Variants in DLC1 observed in about 807,000 individuals in gnomAD.
DLC1 encodes DLC1 Rho GTPase activating protein.
In DLC1, 54 loss-of-function variants were observed where a neutral mutation model predicts 140.3. The observed-to-expected ratio is 0.38, with a 90% CI of 0.31 to 0.48. The LOEUF is 0.48. Among genes scored for constraint, DLC1 ranks in the 20% least tolerant of loss-of-function variants. DLC1 has a pLI of 0.96. For synonymous variants in DLC1, 986 were observed against 728.1 expected (o/e 1.35, Z -5.70); for missense variants, 2,536 against 1,907.0 (o/e 1.33, Z -6.14).
intron 5 of DLC1, among the ~76,000 whole-genome samples, chr8:13,289,145 C>T (rs1354550529): frequency 6.6e-6 from 1 of 152,122 alleles, no homozygotes; most frequent in African/African-American, 2.4e-5. Flanking sequence ...CCACAGTGCT[C>T]TATAATTCCT....
At chr8:13,529,609 A>T (rs1803032320) in intron 1 of DLC1, among the ~76,000 whole-genome samples, 1 of 152,220 alleles carries the variant, frequency 6.6e-6, no homozygotes, top group South Asian at 2.1e-4. Context: ...GAATTTCAAC[A>T]GTTGTATCTA....
chr8:13,413,332 C>A (rs1319555631), intron 2 of DLC1, among the ~76,000 whole-genome samples: 2 of 119,584 alleles, frequency 1.7e-5, no homozygotes, highest in Non-Finnish European at 3.3e-5. Context: ...CAAGATAATT[C>A]TTCTTCTTCC....
intron 4 of DLC1, among the ~76,000 whole-genome samples, chr8:13,382,109 G>A (rs937615804): frequency 2.6e-5 from 4 of 152,062 alleles, no homozygotes; most frequent in African/African-American, 9.7e-5. Flanking sequence ...GTTGTGTGTG[G>A]TAATGTAGAA....
Position 13,088,472 on chromosome 8 carries a change from C to G in DLC1, c.4292+15G>C. ...AGTCATCCTTGTCACAAAAAAACAA[C>G]TGGGAAGCGCTCACCTTAAAACAAC... On this transcript the variant is annotated intron_variant, in intron 16 of 17. Transcript: ENST00000276297. 1.2e-6 allele frequency: 2 copies of G among 1,613,778 alleles called. No individual in the cohort carries two copies. The highest frequency in any genetic ancestry group is 1.7e-6 in the Non-Finnish European group (2 of 1,179,782).
intron 5 of DLC1, among the ~76,000 whole-genome samples, chr8:13,154,278 C>T (rs542367106): frequency 3.8e-4 from 58 of 152,330 alleles, no homozygotes; most frequent in African/African-American, 1.4e-3. Flanking sequence ...GAGACTCGGG[C>T]CTGCGGGAGC....
chr8:13,587,780 C>G (rs898764893), intron 1 of DLC1, among the ~76,000 whole-genome samples: 6 of 151,730 alleles, frequency 4.0e-5, no homozygotes, highest in Non-Finnish European at 7.4e-5. Context: ...AAATAATGTG[C>G]TAGTCAATCT....
intron 5 of DLC1, among the ~76,000 whole-genome samples, chr8:13,206,035 ATG>A (rs1180911703): frequency 6.6e-6 from 1 of 152,178 alleles, no homozygotes; most frequent in Non-Finnish European, 1.5e-5. Flanking sequence ...TAGAGGAAAA[ATG>A]TGCCTTGAGA....
At chr8:13,141,441 G>C (rs1822986836) in intron 5 of DLC1, among the ~76,000 whole-genome samples, 1 of 152,138 alleles carries the variant, frequency 6.6e-6, no homozygotes, top group Non-Finnish European at 1.5e-5. Context: ...GTTTTCAAGA[G>C]CTACGTACAA....
intron 2 of DLC1, among the ~76,000 whole-genome samples, chr8:13,475,886 C>G (rs1184864742): frequency 6.6e-6 from 1 of 152,200 alleles, no homozygotes; most frequent in Non-Finnish European, 1.5e-5. Flanking sequence ...GAGAATGAAC[C>G]TAAACTGCCT....
chr8:13,324,125 G>A (rs1833237993), intron 4 of DLC1, among the ~76,000 whole-genome samples: 1 of 152,068 alleles, frequency 6.6e-6, no homozygotes, highest in Non-Finnish European at 1.5e-5. Context: ...GAGATCTGAA[G>A]GTGTTTTTAA....
intron 1 of DLC1, among the ~76,000 whole-genome samples, chr8:13,576,472 A>G (rs1049458490): frequency 3.9e-5 from 6 of 152,236 alleles, no homozygotes; most frequent in Non-Finnish European, 7.3e-5. Flanking sequence ...ACATCGAAAT[A>G]TATAAAAAAT....
At chr8:13,138,235 C>T (rs1822712580) in intron 5 of DLC1, among the ~76,000 whole-genome samples, 3 of 152,160 alleles carry the variant, frequency 2.0e-5, no homozygotes, top group South Asian at 2.1e-4. Flanking sequence ...CAGGACCCCT[C>T]TGAGAAGACA....
At chr8:13,322,299 T>C (rs1833157070) in intron 4 of DLC1, among the ~76,000 whole-genome samples, 1 of 152,192 alleles carries the variant, frequency 6.6e-6, no homozygotes, top group Non-Finnish European at 1.5e-5. Context: ...AATAAACAAA[T>C]AATATCATCT....
chr8:13,199,399 G>A (rs114378844), intron 5 of DLC1, among the ~76,000 whole-genome samples: 130 of 151,932 alleles, frequency 8.6e-4, no homozygotes, highest in African/African-American at 3.1e-3. Flanking sequence ...TCCCAGGCTG[G>A]TCTAGAACTC....
intron 5 of DLC1, among the ~76,000 whole-genome samples, chr8:13,116,759 T>C (rs1820590542): frequency 6.6e-6 from 1 of 152,206 alleles, no homozygotes; most frequent in Non-Finnish European, 1.5e-5. Flanking sequence ...AAGTGGGAAT[T>C]TGATCAATGA....
At position 13,264,408 on chromosome 8, in the gene DLC1, A is replaced by G. The variant is rs115247785; in HGVS notation, c.1348+40861T>C. On this transcript the variant is annotated intron_variant, in intron 5 of 17. Coordinates refer to ENST00000276297, the MANE Select transcript of DLC1 (RefSeq NM_182643.3). Reference sequence around the variant, plus strand: ...AACTTTATGTTCAAACACGAATAATATCAAAAATATAATTCTGAGCAAAGA... The same window carrying G: ...AACTTTATGTTCAAACACGAATAATGTCAAAAATATAATTCTGAGCAAAGA... Among the ~76,000 whole-genome samples the G allele has an allele frequency of 9.8e-3, 1,485 of 152,284 alleles. 33 individuals are homozygous for G. The highest frequency in any genetic ancestry group is 0.035 in the African/African-American group (1,434 of 41,562).
chr8:13,347,598 A>C (rs1207302630), intron 4 of DLC1, among the ~76,000 whole-genome samples: 1 of 152,132 alleles, frequency 6.6e-6, no homozygotes, highest in Non-Finnish European at 1.5e-5. Context: ...AGTCCTAGGC[A>C]CCAGAAGATG....
chr8:13,531,965 C>T (rs961993200), intron 1 of DLC1, among the ~76,000 whole-genome samples: 1 of 152,166 alleles, frequency 6.6e-6, no homozygotes, highest in African/African-American at 2.4e-5. Flanking sequence ...TAGTTAGGGG[C>T]AAGACTCTCC....
At chr8:13,536,065 G>A (rs1244739657) in intron 1 of DLC1, 2 of 152,224 alleles carry the variant, frequency 1.3e-5, no homozygotes, top group Non-Finnish European at 2.9e-5. Context: ...GCCAGATCTT[G>A]GAAGCTAAGC....
Sources: allele counts gnomAD v4.1 joint callset (sites outside exome capture counted in the v4.1 genomes callset), GRCh38; gene constraint gnomAD v4.1.1; transcripts MANE v1.5; gene names NCBI Gene and HGNC (gene_info 2026-07-23, HGNC 2026-07-21).